ZNG1C: variants seen among roughly 807,000 people sequenced by gnomAD.
ZNG1C encodes the protein zinc-regulated GTPase metalloprotein activator 1C.
At chr9:68,284,873 AAACTT>A in the ZNG1C span, among the ~76,000 whole-genome samples, 5 of 149,326 alleles carry the variant, frequency 3.3e-5, no homozygotes, top group Admixed American at 2.0e-4. Context: ...TATGGGAACT[AAACTT>A]AAATGTTCGT....
At chr9:68,291,371 G>A in the ZNG1C span, among the ~76,000 whole-genome samples, 1 of 50,868 alleles carries the variant, frequency 2.0e-5, no homozygotes, top group East Asian at 2.5e-4. Flanking sequence ...CTCACCCCTG[G>A]TAACCACCAT....
the ZNG1C span, among the ~76,000 whole-genome samples, chr9:68,290,714 G>T: frequency 4.3e-5 from 6 of 140,716 alleles, no homozygotes; most frequent in South Asian, 7.0e-4. Context: ...TTAACTGACA[G>T]TTATGTTTCA....
At chr9:68,248,895 C>G in the ZNG1C span, 1 of 420,608 alleles carries the variant, frequency 2.4e-6, no homozygotes, top group South Asian at 2.4e-5. Context: ...TTAGCAGACC[C>G]TGGTAAGAAG....
the ZNG1C span, among the ~76,000 whole-genome samples, chr9:68,277,423 TATG>T: frequency 2.0e-5 from 1 of 48,786 alleles, no homozygotes; most frequent in African/African-American, 8.7e-5. Flanking sequence ...GCCCATTCAG[TATG>T]ATATTGGCTG....
the ZNG1C span, among the ~76,000 whole-genome samples, chr9:68,266,667 CAT>C: frequency 6.8e-6 from 1 of 146,890 alleles, no homozygotes; most frequent in Admixed American, 6.7e-5. Context: ...TGTCTTTACT[CAT>C]AATGTATTCT....
chr9:68,294,121 C>T, the ZNG1C span, among the ~76,000 whole-genome samples: 1 of 151,114 alleles, frequency 6.6e-6, no homozygotes, highest in Non-Finnish European at 1.5e-5. Context: ...GTAAAAATTC[C>T]TCAAACTGAA....
the ZNG1C span, among the ~76,000 whole-genome samples, chr9:68,283,238 TG>T: frequency 2.3e-5 from 1 of 43,172 alleles, no homozygotes; most frequent in Admixed American, 2.5e-4. Context: ...AGCATAAATT[TG>T]GTTTGTTCAT....
At chr9:68,249,342 A>G in the ZNG1C span, among the ~76,000 whole-genome samples, 8,316 of 118,410 alleles carry the variant, frequency 0.07, 395 homozygotes, top group Non-Finnish European at 0.099. Flanking sequence ...CCTCCCATAT[A>G]CTTTAAATCA....
the ZNG1C span, chr9:68,299,209 T>C: frequency 2.5e-5 from 38 of 1,550,418 alleles, no homozygotes; most frequent in South Asian, 4.3e-4. Context: ...CTAAATAAGC[T>C]TGTGGTCAAT....
chr9:68,281,347 A>G, the ZNG1C span, among the ~76,000 whole-genome samples: 5 of 151,542 alleles, frequency 3.3e-5, no homozygotes, highest in South Asian at 4.2e-4. Flanking sequence ...CTATTCGGCC[A>G]TCTTGGCTCC....
At chr9:68,244,669 T>C in the ZNG1C span, among the ~76,000 whole-genome samples, 2 of 126,320 alleles carry the variant, frequency 1.6e-5, no homozygotes, top group Non-Finnish European at 3.3e-5. Context: ...TTTTCCTCTA[T>C]GAATTTTAGT....
chr9:68,247,480 G>A, the ZNG1C span: 1 of 1,590,940 alleles, frequency 6.3e-7, no homozygotes, highest in Non-Finnish European at 8.6e-7. Flanking sequence ...AAGGCTGCAT[G>A]AATAAAGTGA....
chr9:68,275,286 T>G, the ZNG1C span, among the ~76,000 whole-genome samples: 8 of 139,824 alleles, frequency 5.7e-5, no homozygotes, highest in African/African-American at 1.7e-4. Context: ...TCTCTTCACT[T>G]TATTTTTTTA....
chr9:68,268,769 AT>A, the ZNG1C span, among the ~76,000 whole-genome samples: 169 of 151,508 alleles, frequency 1.1e-3, no homozygotes, highest in South Asian at 0.03. Flanking sequence ...AATCATAATT[AT>A]TTTTTAAAGC....
the ZNG1C span, chr9:68,251,042 G>A: frequency 0.06 from 21,047 of 348,782 alleles, 1,018 homozygotes; most frequent in East Asian, 0.32. Context: ...TTGCACCACC[G>A]CACTCCAGCC....
the ZNG1C span, among the ~76,000 whole-genome samples, chr9:68,286,881 A>C: frequency 2.3e-5 from 3 of 129,494 alleles, no homozygotes; most frequent in Non-Finnish European, 3.3e-5. Context: ...AAAATGAATA[A>C]ATGAGAGAAA....
the ZNG1C span, among the ~76,000 whole-genome samples, chr9:68,267,165 T>G: frequency 2.6e-5 from 4 of 152,288 alleles, no homozygotes; most frequent in Non-Finnish European, 5.9e-5. Context: ...ATTACTATTC[T>G]TAGTATTTAT....
the ZNG1C span, among the ~76,000 whole-genome samples, chr9:68,288,416 G>C: frequency 2.6e-5 from 4 of 152,280 alleles, no homozygotes; most frequent in Non-Finnish European, 5.9e-5. Flanking sequence ...GCATGCAAAT[G>C]TGTAATTTTA....
chr9:68,257,792 T>C, the ZNG1C span, among the ~76,000 whole-genome samples: 2 of 111,994 alleles, frequency 1.8e-5, no homozygotes, highest in Non-Finnish European at 3.6e-5. Context: ...TTTCTCCCTT[T>C]CTCTTTCCCT....
Sources: gnomAD v4.1 joint callset for allele counts (sites outside exome capture counted in the v4.1 genomes callset) on GRCh38, gnomAD v4.1.1 for gene constraint, MANE v1.5 for transcripts, NCBI Gene and HGNC (gene_info 2026-07-23, HGNC 2026-07-21) for gene names.